SYNPR: variants seen among roughly 807,000 people sequenced by gnomAD.
SYNPR encodes the protein synaptoporin.
In SYNPR, 23 loss-of-function variants were observed where a neutral mutation model predicts 32.9. The observed-to-expected ratio is 0.70, with a 90% CI of 0.50 to 0.99. The LOEUF is 0.99. SYNPR is among the 50% of genes least tolerant of loss of function. The pLI is 0.00. For missense variants in SYNPR, 318 were observed against 349.3 expected (o/e 0.91, Z 0.71); for synonymous variants, 146 against 135.9 (o/e 1.07, Z -0.52).
chr3:63,323,953 C>A (rs1300062005), intron 2 of SYNPR, among the ~76,000 whole-genome samples: 1 of 152,016 alleles, frequency 6.6e-6, no homozygotes, highest in Non-Finnish European at 1.5e-5. Context: ...CCAACTTGCA[C>A]AATAAGTAGC....
intron 2 of SYNPR, among the ~76,000 whole-genome samples, chr3:63,422,972 A>C (rs1699825973): frequency 6.6e-6 from 1 of 152,232 alleles, no homozygotes; most frequent in African/African-American, 2.4e-5. Context: ...AAAATGAATA[A>C]AGTGGTCTTT....
intron 2 of SYNPR, among the ~76,000 whole-genome samples, chr3:63,434,558 G>A (rs1670166778): frequency 6.6e-6 from 1 of 152,188 alleles, no homozygotes; most frequent in African/African-American, 2.4e-5. Context: ...CAAGATTATT[G>A]AAAATGGTTT....
chr3:63,249,105 T>C (rs1159604403), intron 1 of SYNPR, among the ~76,000 whole-genome samples: 1 of 152,108 alleles, frequency 6.6e-6, no homozygotes, highest in African/African-American at 2.4e-5. Flanking sequence ...TAATGCACTT[T>C]AAGATTATGT....
chr3:63,266,716 A>AAAC (rs1420409621), intron 2 of SYNPR, among the ~76,000 whole-genome samples: 4 of 141,862 alleles, frequency 2.8e-5, no homozygotes, highest in Non-Finnish European at 4.7e-5. Context: ...TCAAAAAAAA[A>AAAC]AACACAAAAA....
chr3:63,516,305 GT>G (rs982909400), intron 3 of SYNPR, among the ~76,000 whole-genome samples: 11 of 152,036 alleles, frequency 7.2e-5, no homozygotes, highest in African/African-American at 2.7e-4. Context: ...CGGCTTTCTG[GT>G]TTGATATACT....
At position 63,513,107 on chromosome 3, in the gene SYNPR, G is replaced by A. The variant is rs13087088; in HGVS notation, c.209+32151G>A. 7.5e-5 allele frequency among the ~76,000 whole-genome samples: 7 copies of A among 93,458 alleles called. No individual in the cohort carries two copies. The South Asian group carries it at 1.0e-3, about 14-fold the overall frequency. The allele number at this position is 93,458 out of a possible 152,430, so 61.3% of individuals were successfully genotyped here. On this transcript the variant is annotated intron_variant, in intron 3 of 5. Coordinates refer to ENST00000478300, the MANE Select transcript of SYNPR (RefSeq NM_001130003.2). ...CCTGGGAAAGGAGAAATACACCAAA[G>A]AAAAAGATCATGAGGGGGCAGATAA...
chr3:63,210,799 T>TC, the SYNPR span, among the ~76,000 whole-genome samples: 1 of 12,182 alleles, frequency 8.2e-5, no homozygotes, highest in African/African-American at 1.8e-4. Flanking sequence ...TTTCCTCCCT[T>TC]CCTTCCTTCC....
chr3:63,495,410 T>C (rs1178702411), intron 3 of SYNPR, among the ~76,000 whole-genome samples: 3 of 152,192 alleles, frequency 2.0e-5, no homozygotes, highest in Non-Finnish European at 2.9e-5. Context: ...AGTTATCATC[T>C]CTTTAGGCTT....
In SYNPR at chr3:63,602,192, C is replaced by T. The variant is rs184815440; in HGVS notation, c.409-6933C>T. Among the ~76,000 whole-genome samples, 428 of 151,844 alleles carry T rather than the reference C, an allele frequency of 2.8e-3. 1 individual carries two copies. Among genetic ancestry groups the T allele is most frequent in the Non-Finnish European group, 2.6e-3 (174 of 67,852 alleles). ...CCTTTGCCCACTTTTTAACGGGGTTCTTTGTTTTTTGATTGTTGATTTGTT... is the reference window on the plus strand; with the variant it reads ...CCTTTGCCCACTTTTTAACGGGGTTTTTTGTTTTTTGATTGTTGATTTGTT... On this transcript the variant is annotated intron_variant, in intron 4 of 5. Transcript: ENST00000478300.
chr3:63,224,852 T>C (rs2106868418), upstream of SYNPR, among the ~76,000 whole-genome samples: 1 of 152,312 alleles, frequency 6.6e-6, no homozygotes, highest in East Asian at 1.9e-4. Flanking sequence ...CAACAGAGTC[T>C]CAAGAGGTCA....
chr3:63,305,994 G>A lies in SYNPR; in HGVS notation c.84+27252G>A, dbSNP rs13080514. Among the ~76,000 whole-genome samples, 3 of 151,786 alleles carry A rather than the reference G, an allele frequency of 2.0e-5. No individual in the cohort carries two copies. The South Asian group carries it at 6.2e-4, about 31-fold the overall frequency. ...CCACCACAATCTCTGCATTTTCACC[G>A]ACCAGTGTCTAACCCATCCTTCAAG... On this transcript the variant is annotated intron_variant, in intron 2 of 5. Transcript: ENST00000478300.
chr3:63,368,958 A>G (rs2087763510), intron 2 of SYNPR, among the ~76,000 whole-genome samples: 1 of 152,202 alleles, frequency 6.6e-6, no homozygotes, highest in South Asian at 2.1e-4. Flanking sequence ...GGAGAAATAA[A>G]TCCTCTGTAC....
intron 2 of SYNPR, among the ~76,000 whole-genome samples, chr3:63,394,622 T>C (rs890051461): frequency 1.2e-4 from 18 of 152,200 alleles, no homozygotes; most frequent in Admixed American, 8.5e-4. Context: ...CATTCAGCTT[T>C]CTTCCAAAGA....
At chr3:63,468,194 C>CA (rs552378431) in intron 2 of SYNPR, among the ~76,000 whole-genome samples, 1,821 of 80,570 alleles carry the variant, frequency 0.023, 49 homozygotes, top group African/African-American at 0.058. Context: ...AACTCCATCT[C>CA]AAAAAAAAAA....
At chr3:63,259,172 A>G (rs1210051811) in intron 2 of SYNPR, among the ~76,000 whole-genome samples, 1 of 152,186 alleles carries the variant, frequency 6.6e-6, no homozygotes, top group Non-Finnish European at 1.5e-5. Context: ...ATTCCTTCTG[A>G]AACTATTCCA....
chr3:63,603,130 GT>G (rs1700068467), intron 4 of SYNPR, among the ~76,000 whole-genome samples: 1 of 151,880 alleles, frequency 6.6e-6, no homozygotes, highest in Non-Finnish European at 1.5e-5. Context: ...TGTGTTCTTG[GT>G]TTGACTTTCA....
At position 63,592,220 on chromosome 3, in the gene SYNPR, G is replaced by C. The variant is rs1037945014; in HGVS notation, c.409-16905G>C. On this transcript the variant is annotated intron_variant, in intron 4 of 5. Transcript: ENST00000478300. ...AGCATGGGAGGGATTCTCCCTCAGA[G>C]CCTCCAGGAAGAATTAGCCCTGCTA... Among the ~76,000 whole-genome samples the C allele has an allele frequency of 5.3e-5, 8 of 152,292 alleles. No homozygotes were observed. The South Asian group carries it at 8.3e-4, about 16-fold the overall frequency.
intron 3 of SYNPR, among the ~76,000 whole-genome samples, chr3:63,513,092 G>A (rs2106757222): frequency 6.8e-6 from 1 of 146,612 alleles, no homozygotes; most frequent in East Asian, 2.0e-4. Flanking sequence ...CCTGGGAAAG[G>A]AGAAATACAC....
chr3:63,556,827 C>G, intron 4 of SYNPR, 86 bp downstream of exon 4: 3 of 1,291,500 alleles, frequency 2.3e-6, no homozygotes, highest in Non-Finnish European at 3.1e-6. Flanking sequence ...GTTACCTGAG[C>G]CCTCGGGTTA....
Sources: allele counts gnomAD v4.1 joint callset (sites outside exome capture counted in the v4.1 genomes callset), GRCh38; gene constraint gnomAD v4.1.1; transcripts MANE v1.5; gene names NCBI Gene and HGNC (gene_info 2026-07-23, HGNC 2026-07-21).